Variants in DPP10 observed in about 807,000 individuals in gnomAD.
The protein encoded by DPP10 is inactive dipeptidyl peptidase 10.
In DPP10, 33 loss-of-function variants were observed where a neutral mutation model predicts 120.9. That is an observed-to-expected ratio of 0.27 (90% confidence interval 0.21 to 0.37). DPP10 has a LOEUF of 0.37. DPP10 is among the 10% of genes least tolerant of loss of function. DPP10 has a pLI of 1.00. For missense variants in DPP10, 816 were observed against 942.8 expected, an observed-to-expected ratio of 0.87 and a Z score of 1.76; for synonymous variants, 337 against 326.1, an observed-to-expected ratio of 1.03 and a Z score of -0.36.
intron 1 of DPP10, among the ~76,000 whole-genome samples, chr2:114,981,331 T>C (rs1700078294): frequency 6.6e-6 from 1 of 152,152 alleles, no homozygotes; most frequent in South Asian, 2.1e-4. Flanking sequence ...ATGGATTACT[T>C]GTAGCCAATA....
chr2:114,884,725 A>G (rs570821442), intron 1 of DPP10, among the ~76,000 whole-genome samples: 6 of 151,982 alleles, frequency 3.9e-5, no homozygotes, highest in African/African-American at 1.4e-4. Flanking sequence ...CCCTTCCCCC[A>G]ATTCCAAATT....
intron 1 of DPP10, among the ~76,000 whole-genome samples, chr2:114,640,713 C>A (rs938308541): frequency 6.6e-6 from 1 of 151,938 alleles, no homozygotes; most frequent in Non-Finnish European, 1.5e-5. Flanking sequence ...CAGTCAACCA[C>A]GCAAAGAAGG....
At chr2:114,782,263 A>G (rs1448447311) in intron 1 of DPP10, among the ~76,000 whole-genome samples, 2 of 151,842 alleles carry the variant, frequency 1.3e-5, no homozygotes, top group African/African-American at 4.8e-5. Flanking sequence ...TAGAATAAAC[A>G]AGTTGCTGAA....
intron 1 of DPP10, among the ~76,000 whole-genome samples, chr2:114,555,719 A>G (rs1688236867): frequency 6.6e-6 from 1 of 152,214 alleles, no homozygotes; most frequent in African/African-American, 2.4e-5. Flanking sequence ...TAATAGGTAT[A>G]ATAAACTTCA....
At chr2:114,721,411 G>A (rs1701698470) in intron 1 of DPP10, among the ~76,000 whole-genome samples, 1 of 152,176 alleles carries the variant, frequency 6.6e-6, no homozygotes, top group South Asian at 2.1e-4. Context: ...ATTTGGCTAT[G>A]TGCAAATCTT....
At chr2:114,506,738 T>C (rs995329480) in intron 1 of DPP10, among the ~76,000 whole-genome samples, 3 of 152,104 alleles carry the variant, frequency 2.0e-5, no homozygotes, top group African/African-American at 7.2e-5. Context: ...GCCAAGCAAG[T>C]GGAGTCTGAC....
At chr2:115,657,720 A>G (rs1343917223) in intron 5 of DPP10, among the ~76,000 whole-genome samples, 1 of 151,976 alleles carries the variant, frequency 6.6e-6, no homozygotes, top group East Asian at 1.9e-4. Context: ...TCATCACGCA[A>G]TTTTAAAAAT....
intron 21 of DPP10, among the ~76,000 whole-genome samples, chr2:115,821,461 A>G (rs902260052): frequency 6.6e-6 from 1 of 151,964 alleles, no homozygotes; most frequent in East Asian, 1.9e-4. Flanking sequence ...TATTTTCAGC[A>G]CTTTCCGATT....
chr2:115,758,629 C>T (rs760434751), intron 11 of DPP10, among the ~76,000 whole-genome samples: 7 of 151,770 alleles, frequency 4.6e-5, no homozygotes, highest in Non-Finnish European at 8.8e-5. Context: ...ACAAAAAATA[C>T]CTGAACAAGT....
At chr2:115,435,519 C>T (rs1444005975) in intron 3 of DPP10, among the ~76,000 whole-genome samples, 4 of 151,644 alleles carry the variant, frequency 2.6e-5, no homozygotes, top group South Asian at 4.2e-4. Context: ...CTGTTCGGGT[C>T]CTTTGCCAAT....
At chr2:115,633,506 A>G (rs1337229565) in intron 5 of DPP10, among the ~76,000 whole-genome samples, 1 of 152,154 alleles carries the variant, frequency 6.6e-6, no homozygotes, top group Non-Finnish European at 1.5e-5. Context: ...GGTGCAGCAC[A>G]CCAACATGGC....
intron 3 of DPP10, among the ~76,000 whole-genome samples, chr2:115,449,542 T>C (rs1273620589): frequency 1.3e-5 from 2 of 152,058 alleles, no homozygotes; most frequent in African/African-American, 4.8e-5. Flanking sequence ...ATGTGCAACA[T>C]AGTAAAGCAT....
chr2:115,059,278 A>T (rs1299838473), intron 1 of DPP10, among the ~76,000 whole-genome samples: 1 of 152,112 alleles, frequency 6.6e-6, no homozygotes, highest in Non-Finnish European at 1.5e-5. Flanking sequence ...TAAATCACGC[A>T]AGTTTTAAAG....
intron 1 of DPP10, among the ~76,000 whole-genome samples, chr2:114,942,605 C>T (rs1697046429): frequency 6.6e-6 from 1 of 151,452 alleles, no homozygotes; most frequent in African/African-American, 2.4e-5. Context: ...CCTGGTGCAG[C>T]TACTCTAAGA....
At chr2:115,539,817 T>TAA (rs201683537) in intron 5 of DPP10, among the ~76,000 whole-genome samples, 14 of 146,354 alleles carry the variant, frequency 9.6e-5, no homozygotes, top group South Asian at 4.3e-4. Context: ...AACTTCAAGT[T>TAA]AAAAAAAAAA....
At chr2:115,200,103 T>G (rs1392151103) in intron 1 of DPP10, among the ~76,000 whole-genome samples, 1 of 152,136 alleles carries the variant, frequency 6.6e-6, no homozygotes, top group Non-Finnish European at 1.5e-5. Flanking sequence ...CAGAGTGCTT[T>G]TTGTTCCCCC....
At chr2:114,498,191 C>T (rs1682846637) in intron 1 of DPP10, among the ~76,000 whole-genome samples, 1 of 152,148 alleles carries the variant, frequency 6.6e-6, no homozygotes, top group Non-Finnish European at 1.5e-5. Flanking sequence ...TTGAAATTTA[C>T]TCTCATTTTG....
chr2:115,029,928 G>A (rs1353269406), intron 1 of DPP10, among the ~76,000 whole-genome samples: 2 of 152,116 alleles, frequency 1.3e-5, no homozygotes, highest in Non-Finnish European at 2.9e-5. Context: ...CTTAACTCAG[G>A]TAGTTTTGTC....
intron 1 of DPP10, among the ~76,000 whole-genome samples, chr2:114,912,771 C>T (rs1412217432): frequency 6.6e-6 from 1 of 152,148 alleles, no homozygotes. Context: ...CATCACAGAC[C>T]TCCAGAATCT....
Sources: gnomAD v4.1 joint callset for allele counts (sites outside exome capture counted in the v4.1 genomes callset) on GRCh38, gnomAD v4.1.1 for gene constraint, MANE v1.5 for transcripts, NCBI Gene and HGNC (gene_info 2026-07-23, HGNC 2026-07-21) for gene names.